C8orf34: variants seen among roughly 807,000 people sequenced by gnomAD.
C8orf34 encodes the protein uncharacterized protein C8orf34.
In C8orf34, 65 loss-of-function variants were observed where a neutral mutation model predicts 68.3. The observed-to-expected ratio is 0.95, with a 90% CI of 0.78 to 1.17. C8orf34 has a LOEUF of 1.17. Among genes scored for constraint, C8orf34 ranks in the 50% most tolerant of loss-of-function variants. The probability of loss-of-function intolerance (pLI) is 0.00; values close to 1 mark genes in which losing one functional copy is unlikely to be tolerated. For synonymous variants in C8orf34, 244 were observed against 241.2 expected (o/e 1.01, Z -0.11); for missense variants, 664 against 655.4 (o/e 1.01, Z -0.14).
intron 7 of C8orf34, among the ~76,000 whole-genome samples, chr8:68,560,944 C>T (rs1176286052): frequency 1.4e-5 from 2 of 145,970 alleles, no homozygotes; most frequent in Non-Finnish European, 3.0e-5. Flanking sequence ...CTTACTATAA[C>T]TTTTTTTTTT....
chr8:68,792,634 T>C (rs1049612988), intron 12 of C8orf34: 1 of 106,796 alleles, frequency 9.4e-6, no homozygotes, highest in African/African-American at 3.2e-5. Context: ...AAAGGAACCA[T>C]ACTGAAAGAA....
chr8:68,555,622 G>T (rs1816227411), intron 7 of C8orf34, among the ~76,000 whole-genome samples: 1 of 151,900 alleles, frequency 6.6e-6, no homozygotes, highest in African/African-American at 2.4e-5. Flanking sequence ...TGTTGGTTTT[G>T]GTTTTTATTC....
At chr8:68,461,245 C>T (rs557456074) in intron 3 of C8orf34, among the ~76,000 whole-genome samples, 150 of 151,988 alleles carry the variant, frequency 9.9e-4, no homozygotes, top group Non-Finnish European at 1.4e-3. Flanking sequence ...TAGAGAAAAA[C>T]GAATAAAAAG....
At chr8:68,741,211 C>T (rs140592902) in intron 10 of C8orf34, among the ~76,000 whole-genome samples, 1,713 of 152,144 alleles carry the variant, frequency 0.011, 32 homozygotes, top group African/African-American at 0.039. Flanking sequence ...TGCACATGTA[C>T]CCCTGAACTT....
At chr8:68,783,628 G>T (rs184027181) in intron 11 of C8orf34, among the ~76,000 whole-genome samples, 5 of 151,560 alleles carry the variant, frequency 3.3e-5, no homozygotes, top group African/African-American at 9.7e-5. Flanking sequence ...ACCTACCTGA[G>T]ATCTGGAAGT....
At chr8:68,485,499 G>A (rs1586237086) in intron 4 of C8orf34, among the ~76,000 whole-genome samples, 1 of 152,128 alleles carries the variant, frequency 6.6e-6, no homozygotes, top group East Asian at 1.9e-4. Flanking sequence ...GGATCACGAG[G>A]TCAGGAGTTT....
At chr8:68,767,504 C>T (rs1823213827) in intron 10 of C8orf34, among the ~76,000 whole-genome samples, 1 of 152,206 alleles carries the variant, frequency 6.6e-6, no homozygotes, top group African/African-American at 2.4e-5. Context: ...ATATTTTCCA[C>T]AGTCTGGCTT....
At chr8:68,384,728 G>A (rs1180689045) in intron 1 of C8orf34, among the ~76,000 whole-genome samples, 2 of 152,162 alleles carry the variant, frequency 1.3e-5, no homozygotes, top group Non-Finnish European at 2.9e-5. Flanking sequence ...GTACGTGCAG[G>A]CTTAACTGTT....
intron 7 of C8orf34, among the ~76,000 whole-genome samples, chr8:68,636,154 C>T (rs1057438293): frequency 1.3e-5 from 2 of 152,064 alleles, no homozygotes; most frequent in Admixed American, 1.3e-4. Context: ...TTTGGGAGTG[C>T]ATTTGGCTTT....
intron 4 of C8orf34, among the ~76,000 whole-genome samples, chr8:68,481,067 C>G (rs1812837695): frequency 6.6e-6 from 1 of 152,134 alleles, no homozygotes; most frequent in African/African-American, 2.4e-5. Context: ...CCTAGAGGCC[C>G]AGGAGGAAAA....
chr8:68,336,843 T>C (rs1805873927), intron 1 of C8orf34, among the ~76,000 whole-genome samples: 1 of 152,086 alleles, frequency 6.6e-6, no homozygotes, highest in Non-Finnish European at 1.5e-5. Context: ...GAATAGTAGG[T>C]ATGTATCAAA....
chr8:68,542,909 T>G (rs1459634687), intron 7 of C8orf34, among the ~76,000 whole-genome samples: 3 of 152,146 alleles, frequency 2.0e-5, no homozygotes, highest in Non-Finnish European at 4.4e-5. Flanking sequence ...GTTTAAAACA[T>G]ACTCTCTAAT....
At chr8:68,459,336 T>A (rs1811687060) in intron 3 of C8orf34, among the ~76,000 whole-genome samples, 1 of 152,144 alleles carries the variant, frequency 6.6e-6, no homozygotes, top group Non-Finnish European at 1.5e-5. Flanking sequence ...TTCAAGTGAT[T>A]CTCCTGCCTC....
intron 8 of C8orf34, among the ~76,000 whole-genome samples, chr8:68,688,161 A>C (rs989460291): frequency 6.6e-6 from 1 of 152,126 alleles, no homozygotes; most frequent in African/African-American, 2.4e-5. Flanking sequence ...AAAAGGGAAC[A>C]GTTACACTGC....
chr8:68,360,243 C>T (rs796154865), intron 1 of C8orf34, among the ~76,000 whole-genome samples: 5 of 152,294 alleles, frequency 3.3e-5, no homozygotes, highest in African/African-American at 9.6e-5. Context: ...TTAGTCCTGA[C>T]ACTCAACCAA....
At chr8:68,605,434 A>G (rs1333562980) in intron 7 of C8orf34, among the ~76,000 whole-genome samples, 2 of 152,130 alleles carry the variant, frequency 1.3e-5, no homozygotes, top group Admixed American at 1.3e-4. Context: ...CTTTATTCAT[A>G]ATTTTCAAAC....
chr8:68,643,152 G>GAGAC (rs1239019857), intron 8 of C8orf34, among the ~76,000 whole-genome samples: 1 of 152,182 alleles, frequency 6.6e-6, no homozygotes, highest in Non-Finnish European at 1.5e-5. Context: ...TTAAATATGA[G>GAGAC]AGACACATGG....
intron 2 of C8orf34, among the ~76,000 whole-genome samples, chr8:68,442,026 A>G (rs938500599): frequency 6.6e-6 from 1 of 152,184 alleles, no homozygotes; most frequent in Non-Finnish European, 1.5e-5. Flanking sequence ...TACCTTCAAT[A>G]TCATACAGAT....
intron 1 of C8orf34, among the ~76,000 whole-genome samples, chr8:68,361,582 T>A (rs553161348): frequency 9.4e-4 from 143 of 152,402 alleles, no homozygotes; most frequent in African/African-American, 3.4e-3. Context: ...ATGTTTTGAC[T>A]GCTCTAGCTT....
Sources: allele counts gnomAD v4.1 joint callset (sites outside exome capture counted in the v4.1 genomes callset), GRCh38; gene constraint gnomAD v4.1.1; transcripts MANE v1.5; gene names NCBI Gene and HGNC (gene_info 2026-07-23, HGNC 2026-07-21).